MIPOL1: variants seen among roughly 807,000 people sequenced by gnomAD.
MIPOL1 encodes mirror-image polydactyly gene 1 protein.
MIPOL1 carries 57 observed loss-of-function variants against 60.9 expected under a neutral mutation model. The ratio of observed to expected loss-of-function variants is 0.94; its 90% CI spans 0.76 to 1.17. The LOEUF (loss-of-function observed/expected upper bound fraction) is 1.17, where lower values mean the gene tolerates loss of function less well. Ranked by LOEUF, MIPOL1 falls within the 50% of genes most tolerant of loss-of-function variation. The probability of loss-of-function intolerance (pLI) is 0.00; values close to 1 mark genes in which losing one functional copy is unlikely to be tolerated. For missense variants in MIPOL1, 551 were observed against 511.6 expected, an observed-to-expected ratio of 1.08 and a Z score of -0.74; for synonymous variants, 179 against 168.8, an observed-to-expected ratio of 1.06 and a Z score of -0.47.
At chr14:37,250,500 T>C (rs1849110099) in intron 3 of MIPOL1, among the ~76,000 whole-genome samples, 1 of 152,120 alleles carries the variant, frequency 6.6e-6, no homozygotes, top group South Asian at 2.1e-4. Flanking sequence ...TGAGCAGAGA[T>C]CATGCCATCA....
Position 37,268,712 on chromosome 14 carries a change from A to G in MIPOL1, c.306A>G (p.Gln102=). Residue 102 remains glutamine, a synonymous_variant, in exon 5 of 13, where the codon CAA becomes CAG. Coordinates refer to ENST00000684589, the MANE Select transcript of MIPOL1 (RefSeq NM_001388067.1). ...DMHYECMTPC[Q]VTSDSDKEKT... ...ATTATGAATGTATGACTCCTTGTCA[A>G]GTTACTTCAGACTCAGATAAAGAGA... The G allele has an allele frequency of 6.2e-7, 1 of 1,602,716 alleles. No homozygotes were observed. The highest frequency in any genetic ancestry group is 8.5e-7 in the Non-Finnish European group (1 of 1,172,330).
chr14:37,358,180 TA>T (rs2091976471), intron 9 of MIPOL1, among the ~76,000 whole-genome samples: 1 of 152,226 alleles, frequency 6.6e-6, no homozygotes, highest in Non-Finnish European at 1.5e-5. Flanking sequence ...CATCCTTTTT[TA>T]TGGCTGCATA....
At chr14:37,391,219 A>G (rs190448573) in intron 10 of MIPOL1, among the ~76,000 whole-genome samples, 1 of 148,976 alleles carries the variant, frequency 6.7e-6, no homozygotes, top group Non-Finnish European at 1.5e-5. Context: ...TAGTTCAGAC[A>G]AACAAACTCC....
rs115714175 is a variant in MIPOL1 at position 37,439,620 on chromosome 14, T to C, written c.1031+16671T>C. 2.1e-3 allele frequency among the ~76,000 whole-genome samples: 317 copies of C among 152,292 alleles called. 3 individuals carry two copies. Among genetic ancestry groups the C allele is most frequent in the African/African-American group, 7.1e-3 (295 of 41,578 alleles). On this transcript the variant is annotated intron_variant, in intron 11 of 12. Coordinates refer to ENST00000684589, the MANE Select transcript of MIPOL1 (RefSeq NM_001388067.1). Reference sequence around the variant, plus strand: ...ATACAACAGCCTACAGAATGAACTCTACACGTACGCATCACTTGCCCCTGA... The same window carrying C: ...ATACAACAGCCTACAGAATGAACTCCACACGTACGCATCACTTGCCCCTGA...
At chr14:37,345,239 G>T (rs550999612) in intron 9 of MIPOL1, among the ~76,000 whole-genome samples, 2 of 133,434 alleles carry the variant, frequency 1.5e-5, no homozygotes, top group South Asian at 5.5e-4. Flanking sequence ...GAGTAGTTGG[G>T]CCTGCAGGTG....
intron 9 of MIPOL1, among the ~76,000 whole-genome samples, chr14:37,326,170 A>T (rs1567478243): frequency 6.6e-6 from 1 of 152,166 alleles, no homozygotes; most frequent in Admixed American, 6.5e-5. Flanking sequence ...GGAGAATCTT[A>T]CCCAGCCCCT....
intron 11 of MIPOL1, among the ~76,000 whole-genome samples, chr14:37,461,458 A>G (rs2094537725): frequency 6.6e-6 from 1 of 152,152 alleles, no homozygotes; most frequent in South Asian, 2.1e-4. Flanking sequence ...CATGGGAATT[A>G]CGTGAGGTAC....
At chr14:37,341,117 A>G (rs1384022004) in intron 9 of MIPOL1, among the ~76,000 whole-genome samples, 1 of 152,196 alleles carries the variant, frequency 6.6e-6, no homozygotes, top group East Asian at 1.9e-4. Flanking sequence ...AAATAGCCTA[A>G]TTATGCATTT....
chr14:37,247,933 C>A, intron 3 of MIPOL1, 26 bp downstream of exon 3: 1 of 1,610,032 alleles, frequency 6.2e-7, no homozygotes, highest in South Asian at 1.1e-5. Flanking sequence ...GTATTAATAC[C>A]AAGCCCCAGG....
At chr14:37,445,265 A>G (rs1194184380) in intron 11 of MIPOL1, among the ~76,000 whole-genome samples, 1 of 152,128 alleles carries the variant, frequency 6.6e-6, no homozygotes, top group Non-Finnish European at 1.5e-5. Flanking sequence ...AATCACAAGC[A>G]TTCTTATACA....
intron 12 of MIPOL1, among the ~76,000 whole-genome samples, chr14:37,544,168 A>G (rs2095539338): frequency 6.6e-6 from 1 of 152,194 alleles, no homozygotes; most frequent in South Asian, 2.1e-4. Flanking sequence ...AGGGAGCAAA[A>G]TGAAAAGAAA....
intron 1 of MIPOL1, among the ~76,000 whole-genome samples, chr14:37,231,367 C>G (rs1970602630): frequency 6.6e-6 from 1 of 152,164 alleles, no homozygotes; most frequent in South Asian, 2.1e-4. Context: ...GGATTACAGG[C>G]ATGAGCCACT....
intron 6 of MIPOL1, among the ~76,000 whole-genome samples, chr14:37,273,477 A>G (rs1195255274): frequency 6.6e-6 from 1 of 150,978 alleles, no homozygotes; most frequent in Non-Finnish European, 1.5e-5. Flanking sequence ...CAGTTTTGCC[A>G]TTTTTTACCC....
At chr14:37,298,492 A>G (rs749953420) in intron 7 of MIPOL1, among the ~76,000 whole-genome samples, 11 of 152,196 alleles carry the variant, frequency 7.2e-5, no homozygotes, top group Non-Finnish European at 1.0e-4. Context: ...GGCAAAAGAA[A>G]CCACCATCAG....
At chr14:37,347,151 T>TA (rs1017813985) in intron 9 of MIPOL1, among the ~76,000 whole-genome samples, 10 of 151,928 alleles carry the variant, frequency 6.6e-5, no homozygotes, top group African/African-American at 9.7e-5. Context: ...ATATGCCACA[T>TA]AAAAAATCCA....
At chr14:37,386,471 C>A (rs2093071260) in intron 10 of MIPOL1, among the ~76,000 whole-genome samples, 1 of 151,792 alleles carries the variant, frequency 6.6e-6, no homozygotes, top group Non-Finnish European at 1.5e-5. Flanking sequence ...TCTTGTTTCT[C>A]CATATAACTG....
chr14:37,280,928 T>C (rs1198659153), intron 6 of MIPOL1, among the ~76,000 whole-genome samples: 1 of 152,190 alleles, frequency 6.6e-6, no homozygotes, highest in Non-Finnish European at 1.5e-5. Context: ...TTCTTTTCAT[T>C]AATGTGTCAT....
At chr14:37,526,870 T>C (rs1234723652) in intron 12 of MIPOL1, among the ~76,000 whole-genome samples, 3 of 152,324 alleles carry the variant, frequency 2.0e-5, no homozygotes, top group South Asian at 2.1e-4. Flanking sequence ...TAAAAAGTTA[T>C]GTGAACAATA....
At chr14:37,454,493 A>C (rs1034195885) in intron 11 of MIPOL1, among the ~76,000 whole-genome samples, 2 of 152,244 alleles carry the variant, frequency 1.3e-5, no homozygotes, top group African/African-American at 4.8e-5. Context: ...CTGTCTTACA[A>C]TTGAGAAATC....
Sources: gnomAD v4.1 joint callset for allele counts (sites outside exome capture counted in the v4.1 genomes callset) on GRCh38, gnomAD v4.1.1 for gene constraint, MANE v1.5 for transcripts, NCBI Gene and HGNC (gene_info 2026-07-23, HGNC 2026-07-21) for gene names.